Variants in RNLS observed in about 807,000 individuals in gnomAD.
The protein encoded by RNLS is renalase, FAD dependent amine oxidase, also known as renalase.
In RNLS, 39 loss-of-function variants were observed where a neutral mutation model predicts 39.8. That is an observed-to-expected ratio of 0.98 (90% CI 0.76 to 1.28). The LOEUF is 1.28. RNLS is among the 50% of genes most tolerant of loss of function. The pLI is 0.00. For synonymous variants in RNLS, 147 were observed against 150.7 expected (o/e 0.98, Z 0.18); for missense variants, 410 against 413.3 (o/e 0.99, Z 0.07).
chr10:88,464,994 C>T (rs963324174), intron 4 of RNLS, among the ~76,000 whole-genome samples: 3 of 152,094 alleles, frequency 2.0e-5, no homozygotes, highest in Admixed American at 1.3e-4. Context: ...CTAGCCATGG[C>T]TTGGGCAAGT....
intron 5 of RNLS, among the ~76,000 whole-genome samples, chr10:88,329,466 T>C (rs772548510): frequency 6.7e-6 from 1 of 149,734 alleles, no homozygotes; most frequent in Non-Finnish European, 1.5e-5. Flanking sequence ...TATTCAGTTA[T>C]TTTAAGATTT....
At chr10:88,555,096 G>A (rs1192502569) in intron 4 of RNLS, among the ~76,000 whole-genome samples, 2 of 151,970 alleles carry the variant, frequency 1.3e-5, no homozygotes, top group Non-Finnish European at 2.9e-5. Context: ...AAGTATACCT[G>A]TGATACTGGA....
At chr10:88,458,227 A>G (rs1431316228) in intron 4 of RNLS, among the ~76,000 whole-genome samples, 1 of 152,162 alleles carries the variant, frequency 6.6e-6, no homozygotes, top group Non-Finnish European at 1.5e-5. Flanking sequence ...CAATCTTCCA[A>G]CTAGGTAGTG....
At chr10:88,266,253 GAGA>G in the RNLS span, among the ~76,000 whole-genome samples, 1 of 152,186 alleles carries the variant, frequency 6.6e-6, no homozygotes, top group Non-Finnish European at 1.5e-5. Context: ...AGGCTCCCCT[GAGA>G]AGATGAATGC....
chr10:88,337,802 T>C (rs1477896348), intron 5 of RNLS, among the ~76,000 whole-genome samples: 1 of 152,232 alleles, frequency 6.6e-6, no homozygotes, highest in African/African-American at 2.4e-5. Flanking sequence ...TTTATGTCAC[T>C]TGCAACTTAA....
intron 4 of RNLS, among the ~76,000 whole-genome samples, chr10:88,541,109 G>A (rs79613289): frequency 0.018 from 2,672 of 152,074 alleles, 85 homozygotes; most frequent in African/African-American, 0.06. Context: ...TGTTAAAAAT[G>A]CAGCCTGACC....
At chr10:88,426,999 T>C (rs544378656) in intron 4 of RNLS, among the ~76,000 whole-genome samples, 24 of 152,068 alleles carry the variant, frequency 1.6e-4, no homozygotes, top group Non-Finnish European at 2.8e-4. Flanking sequence ...GGTTTCCTTT[T>C]AGTAACTAAT....
At chr10:88,178,189 G>A in the RNLS span, among the ~76,000 whole-genome samples, 8 of 152,176 alleles carry the variant, frequency 5.3e-5, no homozygotes, top group Non-Finnish European at 8.8e-5. Context: ...GGTCCAGCTG[G>A]TGTCACAATG....
the RNLS span, among the ~76,000 whole-genome samples, chr10:88,194,377 C>T: frequency 6.6e-6 from 1 of 152,214 alleles, no homozygotes; most frequent in African/African-American, 2.4e-5. Context: ...GGTTCAAAAG[C>T]ACTGGTCTAG....
At chr10:88,541,799 T>C (rs564306781) in intron 4 of RNLS, among the ~76,000 whole-genome samples, 1 of 152,190 alleles carries the variant, frequency 6.6e-6, no homozygotes, top group East Asian at 1.9e-4. Context: ...TCTGGGTCAG[T>C]GTAGGATACA....
At chr10:88,556,686 T>A (rs1419066162) in intron 4 of RNLS, among the ~76,000 whole-genome samples, 2 of 152,136 alleles carry the variant, frequency 1.3e-5, no homozygotes, top group African/African-American at 4.8e-5. Flanking sequence ...GGGGCCTTCC[T>A]ACTTGTTCCA....
At chr10:88,294,936 T>TC in intron 6 of RNLS, among the ~76,000 whole-genome samples, 1 of 151,366 alleles carries the variant, frequency 6.6e-6, no homozygotes, top group Non-Finnish European at 1.5e-5. Context: ...GCCCCCACCC[T>TC]CCAAATAACC....
At position 88,443,401 on chromosome 10, in the gene RNLS, C is replaced by T. The variant is rs145188609; in HGVS notation, c.527-80676G>A. Reference sequence around the variant, plus strand: ...CTCCCAGCGTGAGCGACACAGAAGACGGGTGATTTCTGCATTTCCAACTGA... The same window carrying T: ...CTCCCAGCGTGAGCGACACAGAAGATGGGTGATTTCTGCATTTCCAACTGA... On this transcript the variant is annotated intron_variant, in intron 4 of 6. Transcript: ENST00000331772. Among the ~76,000 whole-genome samples, 565 of 152,240 alleles carry T rather than the reference C, an allele frequency of 3.7e-3. 3 individuals are homozygous for T. The highest frequency in any genetic ancestry group is 0.013 in the African/African-American group (535 of 41,540).
intron 4 of RNLS, among the ~76,000 whole-genome samples, chr10:88,544,007 T>G (rs957666879): frequency 2.6e-5 from 4 of 152,164 alleles, no homozygotes; most frequent in African/African-American, 9.6e-5. Flanking sequence ...CCAGATGGCC[T>G]AGGAAGGAAC....
chr10:88,385,634 T>A (rs1474662369), intron 4 of RNLS, among the ~76,000 whole-genome samples: 2 of 152,168 alleles, frequency 1.3e-5, no homozygotes, highest in Admixed American at 1.3e-4. Context: ...AAACCCCAGG[T>A]GAGTGATTTA....
At chr10:88,359,541 A>G (rs1849474497) in intron 5 of RNLS, among the ~76,000 whole-genome samples, 1 of 152,350 alleles carries the variant, frequency 6.6e-6, no homozygotes, top group African/African-American at 2.4e-5. Context: ...TAAAACTCGC[A>G]TAATTGAAGA....
intron 4 of RNLS, among the ~76,000 whole-genome samples, chr10:88,497,589 C>T (rs1298189090): frequency 6.6e-6 from 1 of 152,008 alleles, no homozygotes; most frequent in African/African-American, 2.4e-5. Context: ...CTTTTAACAA[C>T]AGAGTTGTCA....
At chr10:88,337,231 T>C (rs1421546504) in intron 5 of RNLS, among the ~76,000 whole-genome samples, 1 of 152,180 alleles carries the variant, frequency 6.6e-6, no homozygotes, top group African/African-American at 2.4e-5. Flanking sequence ...TGTTGAGGGA[T>C]GGCATGATGT....
intron 4 of RNLS, among the ~76,000 whole-genome samples, chr10:88,389,767 C>G (rs750179677): frequency 2.0e-5 from 3 of 152,106 alleles, no homozygotes; most frequent in Non-Finnish European, 4.4e-5. Flanking sequence ...GGTACTCTTG[C>G]TATTGGGGGA....
Sources: allele counts gnomAD v4.1 joint callset (sites outside exome capture counted in the v4.1 genomes callset), GRCh38; gene constraint gnomAD v4.1.1; transcripts MANE v1.5; gene names NCBI Gene and HGNC (gene_info 2026-07-23, HGNC 2026-07-21).